The following DPH6 variants were observed in gnomAD, a reference collection of about 807,000 sequenced individuals.
DPH6 encodes diphthine--ammonia ligase.
Under a neutral mutation model 38.2 loss-of-function variants are expected in DPH6, and 33 were observed. That is an observed-to-expected ratio of 0.86 (90% CI 0.65 to 1.15). DPH6 has a LOEUF of 1.15. Among genes scored for constraint, DPH6 ranks in the 50% most tolerant of loss-of-function variants. The pLI, the probability that DPH6 is intolerant of heterozygous loss-of-function variation, is 0.00. For synonymous variants in DPH6, 108 were observed against 103.0 expected (o/e 1.05, Z -0.30); for missense variants, 325 against 320.0 (o/e 1.02, Z -0.12).
At chr15:35,212,309 A>G in the DPH6 span, among the ~76,000 whole-genome samples, 1 of 152,152 alleles carries the variant, frequency 6.6e-6, no homozygotes, top group Non-Finnish European at 1.5e-5. Flanking sequence ...CTCTTTTCAC[A>G]GACAAATGGA....
At chr15:35,453,501 TG>T (rs1300057760) in intron 4 of DPH6, among the ~76,000 whole-genome samples, 1 of 152,214 alleles carries the variant, frequency 6.6e-6, no homozygotes, top group African/African-American at 2.4e-5. Context: ...TTATTTCTAA[TG>T]TCTGGCTTAA....
rs184125701 is a variant in DPH6 at position 35,534,233 on chromosome 15, C to T, written c.312+4041G>A. On this transcript the variant is annotated intron_variant, in intron 3 of 8. Coordinates refer to ENST00000256538, the MANE Select transcript of DPH6 (RefSeq NM_080650.4). ...TCTCAACTAAAAATACAAAATTAGC[C>T]GGGCATGGTGGTGCATGCCTGTAAT... Among the ~76,000 whole-genome samples, 889 of 151,666 alleles carry T rather than the reference C, an allele frequency of 5.9e-3. 10 individuals are homozygous for T. Among genetic ancestry groups the T allele is most frequent in the African/African-American group, 0.02 (844 of 41,382 alleles).
intron 5 of DPH6, among the ~76,000 whole-genome samples, chr15:35,411,338 A>G (rs1357387404): frequency 6.6e-6 from 1 of 151,810 alleles, no homozygotes; most frequent in Non-Finnish European, 1.5e-5. Flanking sequence ...AGAGTAGAAA[A>G]TAGCAGTAGA....
chr15:35,356,693 A>G (rs2052563575), intron 3 of DPH6, among the ~76,000 whole-genome samples: 1 of 152,058 alleles, frequency 6.6e-6, no homozygotes, highest in Admixed American at 6.5e-5. Flanking sequence ...GTCTGCCCCT[A>G]CTGTGAGGTG....
At position 35,243,040 on chromosome 15, in the gene DPH6, G is replaced by T. The variant is rs1247449570; in HGVS notation, n.201-22458C>A. ...GCTGGCAGGACTATGCTGAACCTCC[G>T]TAGGCACTCTCTAATTAGATGTCCT... On this transcript the variant is annotated intron_variant and non_coding_transcript_variant, in intron 3 of 3. Transcript: ENST00000560386. Among the ~76,000 whole-genome samples the T allele has an allele frequency of 2.3e-4, 33 of 141,588 alleles. 2 individuals carry two copies. Among genetic ancestry groups the T allele is most frequent in the African/African-American group, 8.0e-4 (31 of 38,932 alleles). 92.9% of individuals were successfully genotyped at this position (141,588 alleles called of 152,430 possible).
chr15:35,237,106 C>G (rs896632921), intron 3 of DPH6: 2 of 564,898 alleles, frequency 3.5e-6, no homozygotes, highest in South Asian at 2.1e-5. Context: ...GGGTTTTCCT[C>G]TACAATTTTA....
chr15:35,415,252 G>T (rs749547682), intron 5 of DPH6, among the ~76,000 whole-genome samples: 18 of 151,564 alleles, frequency 1.2e-4, no homozygotes, highest in Non-Finnish European at 2.4e-4. Context: ...CTCTAACTGT[G>T]TGTGTGTGTG....
chr15:35,363,521 T>C (rs1301729596), intron 3 of DPH6, among the ~76,000 whole-genome samples: 1 of 152,084 alleles, frequency 6.6e-6, no homozygotes, highest in Non-Finnish European at 1.5e-5. Context: ...TTTTTAGTGG[T>C]GTCTCTTTCA....
At chr15:35,233,736 C>G (rs1372874335) in intron 3 of DPH6, among the ~76,000 whole-genome samples, 1 of 152,114 alleles carries the variant, frequency 6.6e-6, no homozygotes, top group Admixed American at 6.5e-5. Context: ...ACCCACCTCA[C>G]CCCTCATCAC....
intron 6 of DPH6, among the ~76,000 whole-genome samples, chr15:35,392,952 A>C (rs910041830): frequency 2.6e-5 from 4 of 152,212 alleles, no homozygotes; most frequent in Non-Finnish European, 4.4e-5. Flanking sequence ...CTGGAGCATA[A>C]CTGGATGAGT....
At chr15:35,516,374 G>T (rs1842037078) in intron 3 of DPH6, among the ~76,000 whole-genome samples, 1 of 152,146 alleles carries the variant, frequency 6.6e-6, no homozygotes, top group African/African-American at 2.4e-5. Context: ...AATATTTATT[G>T]ATGCTTCCTA....
chr15:35,506,852 A>G (rs1307245793), intron 3 of DPH6, among the ~76,000 whole-genome samples: 1 of 152,214 alleles, frequency 6.6e-6, no homozygotes, highest in Non-Finnish European at 1.5e-5. Context: ...AAGGGTAATC[A>G]TACATTGAAT....
At chr15:35,237,033 A>G (rs1390198457) in intron 3 of DPH6, 1 of 405,826 alleles carries the variant, frequency 2.5e-6, no homozygotes, top group Admixed American at 4.0e-5. Context: ...TTTATACTGT[A>G]CATCATGACT....
intron 3 of DPH6, among the ~76,000 whole-genome samples, chr15:35,259,944 A>G (rs2051735133): frequency 6.6e-6 from 1 of 152,236 alleles, no homozygotes; most frequent in Non-Finnish European, 1.5e-5. Flanking sequence ...GGGAGGAGAC[A>G]TAAGACCTAC....
intron 3 of DPH6, among the ~76,000 whole-genome samples, chr15:35,226,437 A>G (rs946035202): frequency 2.6e-5 from 4 of 152,192 alleles, no homozygotes; most frequent in Admixed American, 6.5e-5. Flanking sequence ...ATACATTTAA[A>G]AAAAATAGGT....
intron 3 of DPH6, among the ~76,000 whole-genome samples, chr15:35,255,514 T>C (rs2051701780): frequency 6.6e-6 from 1 of 152,248 alleles, no homozygotes; most frequent in Non-Finnish European, 1.5e-5. Flanking sequence ...AGGGTTTTTT[T>C]TTCTTCAAAA....
intron 3 of DPH6, among the ~76,000 whole-genome samples, chr15:35,294,945 G>A (rs1029052739): frequency 6.6e-6 from 1 of 152,168 alleles, no homozygotes; most frequent in Non-Finnish European, 1.5e-5. Context: ...GTGAGTTCAC[G>A]GGGCTCAGTG....
At chr15:35,397,516 G>A (rs2053150597) in intron 6 of DPH6, among the ~76,000 whole-genome samples, 1 of 152,082 alleles carries the variant, frequency 6.6e-6, no homozygotes, top group Non-Finnish European at 1.5e-5. Flanking sequence ...GAACACAGGA[G>A]AGGAGGTGAC....
chr15:35,190,910 A>C, the DPH6 span, among the ~76,000 whole-genome samples: 1 of 152,184 alleles, frequency 6.6e-6, no homozygotes, highest in Non-Finnish European at 1.5e-5. Context: ...GGTGTTTTCA[A>C]TCAGACTAAA....
Sources: allele counts gnomAD v4.1 joint callset (sites outside exome capture counted in the v4.1 genomes callset), GRCh38; gene constraint gnomAD v4.1.1; transcripts MANE v1.5; gene names NCBI Gene and HGNC (gene_info 2026-07-23, HGNC 2026-07-21).